The following TMEM232 variants were observed in gnomAD, a reference collection of about 807,000 sequenced individuals.
TMEM232 encodes transmembrane protein 232.
In TMEM232, 80 loss-of-function variants were observed where a neutral mutation model predicts 78.8. The observed-to-expected ratio is 1.01, with a 90% CI of 0.85 to 1.22. The LOEUF (loss-of-function observed/expected upper bound fraction) is 1.22, where lower values mean the gene tolerates loss of function less well. Among genes scored for constraint, TMEM232 ranks in the 50% most tolerant of loss-of-function variants. The pLI, the probability that TMEM232 is intolerant of heterozygous loss-of-function variation, is 0.00. For synonymous variants in TMEM232, 297 were observed against 254.3 expected, an observed-to-expected ratio of 1.17 and a Z score of -1.60; for missense variants, 881 against 742.2, an observed-to-expected ratio of 1.19 and a Z score of -2.17.
intron 12 of TMEM232, among the ~76,000 whole-genome samples, chr5:110,450,974 C>T (rs957326114): frequency 6.6e-6 from 1 of 151,994 alleles, no homozygotes; most frequent in African/African-American, 2.4e-5. Context: ...CTACTGTCCT[C>T]TAGGTCCTCC....
chr5:110,726,364 C>T (rs1285333314), intron 1 of TMEM232, among the ~76,000 whole-genome samples: 1 of 152,006 alleles, frequency 6.6e-6, no homozygotes, highest in Non-Finnish European at 1.5e-5. Context: ...CTTTATTCTC[C>T]CCAACAAAAA....
chr5:110,591,449 T>C (rs528872662), intron 10 of TMEM232, among the ~76,000 whole-genome samples: 1 of 152,314 alleles, frequency 6.6e-6, no homozygotes, highest in Admixed American at 6.5e-5. Context: ...TCCAGATATA[T>C]AATGTATATA....
intron 6 of TMEM232, among the ~76,000 whole-genome samples, chr5:110,625,907 A>G (rs1392518338): frequency 1.3e-5 from 2 of 151,842 alleles, no homozygotes; most frequent in African/African-American, 2.4e-5. Flanking sequence ...ATTTACAACA[A>G]TAAGATAATT....
intron 10 of TMEM232, among the ~76,000 whole-genome samples, chr5:110,594,578 A>G (rs1310984506): frequency 2.6e-5 from 4 of 152,184 alleles, no homozygotes; most frequent in African/African-American, 4.8e-5. Flanking sequence ...TGCTGCCAGC[A>G]CAGCAGTCTG....
At chr5:110,671,697 A>G (rs1173673968) in intron 1 of TMEM232, among the ~76,000 whole-genome samples, 2 of 152,162 alleles carry the variant, frequency 1.3e-5, no homozygotes, top group African/African-American at 4.8e-5. Flanking sequence ...TTGAACACTG[A>G]GAACACATGG....
intron 12 of TMEM232, among the ~76,000 whole-genome samples, chr5:110,456,466 A>G (rs1760912204): frequency 1.3e-5 from 2 of 152,178 alleles, no homozygotes; most frequent in African/African-American, 4.8e-5. Flanking sequence ...AGATGTCAAT[A>G]CTTTTTAAAC....
chr5:110,409,832 C>T (rs560145710), intron 2 of TMEM232, among the ~76,000 whole-genome samples: 44 of 152,176 alleles, frequency 2.9e-4, no homozygotes, highest in African/African-American at 9.9e-4. Context: ...TCTTTCTCTG[C>T]GCCCCAAACG....
At chr5:110,637,069 T>C (rs1397902020) in intron 5 of TMEM232, among the ~76,000 whole-genome samples, 1 of 151,228 alleles carries the variant, frequency 6.6e-6, no homozygotes, top group Non-Finnish European at 1.5e-5. Context: ...ATTTTAAAAA[T>C]TTTATCACAT....
intron 2 of TMEM232, among the ~76,000 whole-genome samples, chr5:110,651,904 G>A (rs1788364557): frequency 2.0e-5 from 3 of 152,120 alleles, no homozygotes; most frequent in Middle Eastern, 6.8e-3. Context: ...TAATGTACCC[G>A]CCTTATATTC....
chr5:110,475,045 G>A (rs978485242), intron 12 of TMEM232, among the ~76,000 whole-genome samples: 2 of 151,838 alleles, frequency 1.3e-5, no homozygotes, highest in African/African-American at 4.8e-5. Flanking sequence ...GTCCTGAAGA[G>A]CCCTAAAACA....
chr5:110,387,814 T>C (rs991544792), exon 5 of TMEM232: 1 of 152,216 alleles, frequency 6.6e-6, no homozygotes, highest in Non-Finnish European at 1.5e-5. Context: ...CTGTTGTCCT[T>C]TTCACGTTCT....
At chr5:110,460,885 T>A (rs313609) in intron 12 of TMEM232, among the ~76,000 whole-genome samples, 51,978 of 151,892 alleles carry the variant, frequency 0.34, 15,403 homozygotes, top group African/African-American at 0.8. Context: ...GGGTGTCACA[T>A]ACTCTGTCTA....
At chr5:110,597,493 C>T (rs1050050929) in intron 10 of TMEM232, among the ~76,000 whole-genome samples, 2 of 152,018 alleles carry the variant, frequency 1.3e-5, no homozygotes, top group Non-Finnish European at 2.9e-5. Flanking sequence ...TGACTTTCTT[C>T]ACAGAATTGG....
chr5:110,729,017 T>C (rs1260112647), upstream of TMEM232, among the ~76,000 whole-genome samples: 2 of 152,008 alleles, frequency 1.3e-5, no homozygotes, highest in East Asian at 3.9e-4. Context: ...CCCGAGTACC[T>C]GGGATTACAG....
intron 7 of TMEM232, among the ~76,000 whole-genome samples, chr5:110,620,471 T>C (rs540911739): frequency 2.1e-4 from 32 of 152,224 alleles, no homozygotes; most frequent in Middle Eastern, 3.4e-3. Context: ...CTTACTTCCT[T>C]AGACTCTTCC....
At chr5:110,650,692 C>T (rs1233895535) in intron 2 of TMEM232, among the ~76,000 whole-genome samples, 1 of 152,080 alleles carries the variant, frequency 6.6e-6, no homozygotes, top group Non-Finnish European at 1.5e-5. Context: ...GTCTGAGAAA[C>T]TGTCCCAGCC....
chr5:110,557,051 T>TG (rs755805491), intron 11 of TMEM232, among the ~76,000 whole-genome samples: 13 of 152,196 alleles, frequency 8.5e-5, no homozygotes, highest in Non-Finnish European at 1.6e-4. Flanking sequence ...CCATATTTCT[T>TG]GGAGGTTTTG....
intron 5 of TMEM232, among the ~76,000 whole-genome samples, chr5:110,632,670 T>C (rs549152445): frequency 1.3e-5 from 2 of 151,888 alleles, no homozygotes; most frequent in African/African-American, 4.8e-5. Context: ...TCTCAGAACC[T>C]GAAGACATGT....
chr5:110,562,627 T>C (rs1581223123), intron 11 of TMEM232, among the ~76,000 whole-genome samples: 1 of 152,200 alleles, frequency 6.6e-6, no homozygotes, highest in South Asian at 2.1e-4. Flanking sequence ...TGTCTATTTC[T>C]GGAGAACGTG....
Sources: gnomAD v4.1 joint callset for allele counts (sites outside exome capture counted in the v4.1 genomes callset) on GRCh38, gnomAD v4.1.1 for gene constraint, MANE v1.5 for transcripts, NCBI Gene and HGNC (gene_info 2026-07-23, HGNC 2026-07-21) for gene names.